SNTG1: variants seen among roughly 807,000 people sequenced by gnomAD.
The protein encoded by SNTG1 is gamma-1-syntrophin.
Under a neutral mutation model 74.7 loss-of-function variants are expected in SNTG1, and 39 were observed. The ratio of observed to expected loss-of-function variants is 0.52; its 90% CI spans 0.40 to 0.68. The LOEUF (loss-of-function observed/expected upper bound fraction) is 0.68, where lower values mean the gene tolerates loss of function less well. Among genes scored for constraint, SNTG1 ranks in the 30% least tolerant of loss-of-function variants. The pLI is 0.00. For synonymous variants in SNTG1, 254 were observed against 217.1 expected, an observed-to-expected ratio of 1.17 and a Z score of -1.49; for missense variants, 685 against 609.5, an observed-to-expected ratio of 1.12 and a Z score of -1.30.
chr8:50,195,367 C>T (rs1344265815), intron 2 of SNTG1, among the ~76,000 whole-genome samples: 2 of 152,046 alleles, frequency 1.3e-5, no homozygotes, highest in African/African-American at 4.8e-5. Flanking sequence ...GGATACCTGC[C>T]TTCCAGCTGT....
At chr8:50,431,180 A>G (rs568882824) in intron 4 of SNTG1, among the ~76,000 whole-genome samples, 2 of 152,308 alleles carry the variant, frequency 1.3e-5, no homozygotes, top group African/African-American at 4.8e-5. Context: ...TTGGTGCTCT[A>G]AAGTTCTATG....
intron 2 of SNTG1, among the ~76,000 whole-genome samples, chr8:50,283,703 T>G (rs915912264): frequency 2.0e-5 from 3 of 152,172 alleles, no homozygotes; most frequent in African/African-American, 7.2e-5. Context: ...GCCAAATCAT[T>G]TCTTCAAAAG....
intron 15 of SNTG1, among the ~76,000 whole-genome samples, chr8:50,676,057 C>T (rs2095308445): frequency 6.6e-6 from 1 of 152,092 alleles, no homozygotes; most frequent in Middle Eastern, 3.4e-3. Flanking sequence ...TCTGGCTGCC[C>T]TTAGCAGTTT....
Position 50,434,090 on chromosome 8 carries a change from C to T in SNTG1, c.163-4453C>T, listed in dbSNP as rs567030618. 2.1e-5 allele frequency among the ~76,000 whole-genome samples: 3 copies of T among 142,394 alleles called. No homozygotes were observed. In the South Asian group the frequency reaches 7.3e-4, roughly 35 times the overall value. The allele number at this position is 142,394 out of a possible 152,430, so 93.4% of individuals were successfully genotyped here. On this transcript the variant is annotated intron_variant, in intron 4 of 18. Coordinates refer to ENST00000642720, the MANE Select transcript of SNTG1 (RefSeq NM_018967.5). ...GTGTGTGATGTTCCCCTTCCTGTGT[C>T]CAAGTGTTCTCATTGTTCAATTCCC... is the stretch of plus-strand genomic sequence containing the variant.
intron 18 of SNTG1, among the ~76,000 whole-genome samples, chr8:50,783,522 T>G (rs138591912): frequency 1.1e-3 from 164 of 152,360 alleles, no homozygotes; most frequent in African/African-American, 3.6e-3. Flanking sequence ...TATAATCTCC[T>G]GGTGTGCCAT....
intron 2 of SNTG1, among the ~76,000 whole-genome samples, chr8:50,356,530 C>A (rs1364966609): frequency 6.6e-6 from 1 of 152,170 alleles, no homozygotes; most frequent in African/African-American, 2.4e-5. Context: ...TTATTTCATA[C>A]AGTTCTGGAG....
chr8:50,384,663 G>T (rs1411468334), intron 2 of SNTG1, among the ~76,000 whole-genome samples: 3 of 152,142 alleles, frequency 2.0e-5, no homozygotes, highest in Admixed American at 6.5e-5. Flanking sequence ...CCTGCATATT[G>T]TGCAGAACCA....
intron 15 of SNTG1, among the ~76,000 whole-genome samples, chr8:50,676,325 C>T (rs1036536361): frequency 4.0e-5 from 6 of 151,866 alleles, no homozygotes; most frequent in African/African-American, 1.2e-4. Flanking sequence ...CATTCCTTTT[C>T]ATTCATTTTT....
chr8:50,443,908 C>A (rs1484519983), intron 5 of SNTG1, among the ~76,000 whole-genome samples: 1 of 151,816 alleles, frequency 6.6e-6, no homozygotes, highest in African/African-American at 2.4e-5. Context: ...CCAAGGCAGG[C>A]GGATCATTTG....
At chr8:50,549,165 T>G (rs576389838) in intron 11 of SNTG1, among the ~76,000 whole-genome samples, 70 of 152,128 alleles carry the variant, frequency 4.6e-4, no homozygotes, top group Non-Finnish European at 8.2e-4. Context: ...AAAAAATAAC[T>G]TGAAAAAGCT....
chr8:50,526,045 T>A (rs545935740), intron 9 of SNTG1, among the ~76,000 whole-genome samples: 2 of 152,260 alleles, frequency 1.3e-5, no homozygotes, highest in South Asian at 4.1e-4. Context: ...GGATTCATCT[T>A]CTCTGGGCAT....
chr8:50,778,708 T>A (rs1226245818), intron 18 of SNTG1, among the ~76,000 whole-genome samples: 1 of 145,740 alleles, frequency 6.9e-6, no homozygotes, highest in Non-Finnish European at 1.5e-5. Flanking sequence ...TTTAGTTTAA[T>A]TAGATCCCAT....
At chr8:50,352,887 C>T (rs1367408401) in intron 2 of SNTG1, among the ~76,000 whole-genome samples, 1 of 152,040 alleles carries the variant, frequency 6.6e-6, no homozygotes, top group East Asian at 1.9e-4. Flanking sequence ...CCATTTGACC[C>T]AGCCATCCCA....
chr8:50,298,476 A>G (rs752549748), intron 2 of SNTG1, among the ~76,000 whole-genome samples: 195 of 152,190 alleles, frequency 1.3e-3, no homozygotes, highest in Admixed American at 2.5e-3. Context: ...TGCCCATGCA[A>G]TGTACAGCTA....
At chr8:50,733,310 AT>A (rs201081243) in intron 17 of SNTG1, among the ~76,000 whole-genome samples, 14 of 150,812 alleles carry the variant, frequency 9.3e-5, no homozygotes, top group African/African-American at 3.2e-4. Context: ...TAGGTACCAC[AT>A]TTTTTTTTCC....
intron 1 of SNTG1, among the ~76,000 whole-genome samples, chr8:50,023,632 G>C (rs949398431): frequency 6.6e-6 from 1 of 152,020 alleles, no homozygotes; most frequent in African/African-American, 2.4e-5. Flanking sequence ...GATTTTCTTA[G>C]CTTTTTGACA....
intron 13 of SNTG1, among the ~76,000 whole-genome samples, chr8:50,641,604 C>A (rs1199943265): frequency 6.6e-6 from 1 of 152,180 alleles, no homozygotes; most frequent in African/African-American, 2.4e-5. Context: ...TGAATCAAAT[C>A]CAATAACGAT....
chr8:50,035,799 C>A (rs536191321), intron 1 of SNTG1, among the ~76,000 whole-genome samples: 1 of 152,044 alleles, frequency 6.6e-6, no homozygotes, highest in Non-Finnish European at 1.5e-5. Context: ...GGGACTGGAC[C>A]GGAACACACA....
chr8:50,359,991 C>G (rs952727586), intron 2 of SNTG1, among the ~76,000 whole-genome samples: 5 of 151,878 alleles, frequency 3.3e-5, no homozygotes, highest in Admixed American at 3.3e-4. Flanking sequence ...AAGAAAAGAA[C>G]AAGTTTCTTA....
Sources: gnomAD v4.1 joint callset for allele counts (sites outside exome capture counted in the v4.1 genomes callset) on GRCh38, gnomAD v4.1.1 for gene constraint, MANE v1.5 for transcripts, NCBI Gene and HGNC (gene_info 2026-07-23, HGNC 2026-07-21) for gene names.